Variants in SHISA7 observed in about 807,000 individuals in gnomAD.
SHISA7 encodes the protein protein shisa-7.
In SHISA7, 6 loss-of-function variants were observed where a neutral mutation model predicts 23.9. That is an observed-to-expected ratio of 0.25 (90% CI 0.14 to 0.50). The LOEUF is 0.50. Among genes scored for constraint, SHISA7 ranks in the 20% least tolerant of loss-of-function variants. SHISA7 has a pLI of 0.98. For missense variants in SHISA7, 671 were observed against 801.1 expected (o/e 0.84, Z 1.96); for synonymous variants, 386 against 398.3 (o/e 0.97, Z 0.37).
chr19:55,441,876 C>T (rs1985605252), intron 1 of SHISA7, among the ~76,000 whole-genome samples: 1 of 152,226 alleles, frequency 6.6e-6, no homozygotes. Context: ...GGAAGTCAGG[C>T]TTTTCCACCA....
Position 55,433,493 on chromosome 19 carries a change from T to C in SHISA7, c.1280A>G (p.His427Arg). The C allele has an allele frequency of 2.8e-6, 4 of 1,448,636 alleles. No homozygotes were observed. The highest frequency in any genetic ancestry group is 3.6e-6 in the Non-Finnish European group (4 of 1,107,564). 89.7% of individuals were successfully genotyped at this position (1,448,636 alleles called of 1,614,324 possible). Residue 427 changes from histidine to arginine, a missense_variant, in exon 4 of 4, where the codon CAC becomes CGC. By Grantham distance (29) the His-to-Arg change is conservative. Coordinates refer to ENST00000376325, the MANE Select transcript of SHISA7 (RefSeq NM_001145176.2). The surrounding 1 kb of genome is among the most constrained non-coding windows in gnomAD (Gnocchi z 8.4). ...GGGGCTGCGCGGGGGCGACAGCAGG[T>C]GCTCGCGACTCTGGCGCAGGGCCTC... ...SPEALRQSRE[H>R]LLSPPRSPAL...
intron 3 of SHISA7, among the ~76,000 whole-genome samples, chr19:55,435,161 TGTGTGTATG>T (rs1985410059): frequency 8.1e-6 from 1 of 123,270 alleles, no homozygotes; most frequent in Non-Finnish European, 1.7e-5. Context: ...GTGTGTGGTG[TGTGTGTATG>T]GTGTGTGTGG....
chr19:55,432,061 C>T lies in SHISA7; in HGVS notation c.*1095G>A, dbSNP rs1003273037. The T allele has an allele frequency of 3.3e-5, 5 of 152,490 alleles. No homozygotes were observed. The highest frequency in any genetic ancestry group is 2.1e-4 in the South Asian group (1 of 4,832). The allele number at this position is 152,490 out of a possible 1,614,324, so 9.4% of individuals were successfully genotyped here. The stretch of plus-strand genomic sequence containing the variant: ...GTGGGCAGTGCCTCTGAGGAGGAAG[C>T]TCTGGTGATGCCATCACAGCATTGG... On this transcript the variant is annotated 3_prime_UTR_variant, in exon 4 of 4. Coordinates refer to ENST00000376325, the MANE Select transcript of SHISA7 (RefSeq NM_001145176.2). This position sits in a 1 kb window ranked among gnomAD's most constrained non-coding sequence, Gnocchi z 4.6.
chr19:55,440,855 T>G, intron 1 of SHISA7, 90 bp from the exon 2 acceptor site: 8 of 1,169,834 alleles, frequency 6.8e-6, no homozygotes, highest in Non-Finnish European at 8.6e-6. Context: ...GCTCTCGCCC[T>G]TGGGTAATCT....
chr19:55,433,992 C>T lies in SHISA7; in HGVS notation c.977-196G>A, dbSNP rs1210023079. 2.6e-5 allele frequency among the ~76,000 whole-genome samples: 4 copies of T among 152,056 alleles called. No individual in the cohort carries two copies. The East Asian group carries it at 7.7e-4, about 29-fold the overall frequency. On this transcript the variant is annotated intron_variant, in intron 3 of 3. Transcript: ENST00000376325. This position sits in a 1 kb window ranked among gnomAD's most constrained non-coding sequence, Gnocchi z 8.4. ...CTGGGTCAGTAGATGTGGAGGACTT[C>T]CTCTTCTTCCCCCCCGCGCCGCCTA...
Position 55,432,968 on chromosome 19 carries a change from C to T in SHISA7, c.*188G>A. 1 of 712,478 alleles carries T rather than the reference C, an allele frequency of 1.4e-6. No individual in the cohort carries two copies. Among genetic ancestry groups the T allele is most frequent in the Non-Finnish European group, 2.1e-6 (1 of 468,628 alleles). The allele number at this position is 712,478 out of a possible 1,614,324, so 44.1% of individuals were successfully genotyped here. On this transcript the variant is annotated 3_prime_UTR_variant, in exon 4 of 4. Transcript: ENST00000376325. The surrounding 1 kb of genome is among the most constrained non-coding windows in gnomAD (Gnocchi z 4.6). ...TGGGATGACATCATGGGAAGGAGGCCTTGGCTCAAGCAGTGAAGTAATAGG... is the reference window on the plus strand; with the variant it reads ...TGGGATGACATCATGGGAAGGAGGCTTTGGCTCAAGCAGTGAAGTAATAGG...
chr19:55,434,435 G>GC (rs1985316353), intron 3 of SHISA7, among the ~76,000 whole-genome samples: 1 of 126,492 alleles, frequency 7.9e-6, no homozygotes, highest in African/African-American at 3.0e-5. Context: ...GTGTGTGTGT[G>GC]GTGTGTGTGT....
rs1355822638 is a variant in SHISA7 at position 55,437,733 on chromosome 19, G to A, written c.848C>T (p.Pro283Leu). The A allele has an allele frequency of 6.4e-7, 1 of 1,550,852 alleles. No homozygotes were observed. The highest frequency in any genetic ancestry group is 8.7e-7 in the Non-Finnish European group (1 of 1,146,674). Residue 283 changes from proline to leucine, a missense_variant, in exon 3 of 4, where the codon CCC (proline) becomes CTC (leucine). This residue lies in a region of SHISA7 where 457 missense variants were observed against 488.3 expected (regional missense o/e 0.94). Transcript: ENST00000376325. ...CGTGGAGTAGTGCAAGGAGGGGCTG[G>A]GCGGCGGCAAGGCTCGCCAGTCTGG... ...PNLDWRALPPPSPSLHYSTLS... is the reference protein window; with the variant it reads ...PNLDWRALPPLSPSLHYSTLS...
chr19:55,442,639 C>G lies in SHISA7; in HGVS notation c.225G>C (p.Ala75=), dbSNP rs899987791. 7.4e-7 allele frequency: 1 copy of G among 1,344,714 alleles called. No individual in the cohort carries two copies. Among genetic ancestry groups the G allele is most frequent in the Non-Finnish European group, 9.7e-7 (1 of 1,033,982 alleles). The allele number at this position is 1,344,714 out of a possible 1,614,324, so 83.3% of individuals were successfully genotyped here. A position where few individuals can be genotyped will look rare whatever the true frequency, so the allele number is the denominator to read the frequency against. ...CGTGGCAGAGCTCGGCGGGAGGGGG[C>G]GCCCGGGCCGCCGCGCCCGCCCCGC... is the stretch of plus-strand genomic sequence containing the variant. ...PAGGAGAAAR[A]PPPAELCHGY... Residue 75 remains alanine (A), a synonymous_variant, in exon 1 of 4, where the codon GCG becomes GCC. Transcript: ENST00000376325.
chr19:55,433,590 G>A lies in SHISA7; in HGVS notation c.1183C>T (p.Arg395Cys). ...SQEHLLGDGGRSRYEFTLPRA... is the reference protein window; with the variant it reads ...SQEHLLGDGGCSRYEFTLPRA... ...GGCAGCGTGAACTCGTAGCGCGAAC[G>A]GCCACCATCGCCCAGCAGGTGCTCC... The change falls in exon 4 of 4, where the codon CGT (arginine) becomes TGT (cysteine). Residue 395 changes from arginine to cysteine, a missense_variant. Physicochemically the swap from Arg to Cys is radical, Grantham distance 180. Transcript: ENST00000376325. This position sits in a 1 kb window ranked among gnomAD's most constrained non-coding sequence, Gnocchi z 8.4. The A allele has an allele frequency of 2.0e-6, 3 of 1,498,604 alleles. No homozygotes were observed. The highest frequency in any genetic ancestry group is 2.7e-6 in the Non-Finnish European group (3 of 1,130,132). The allele number at this position is 1,498,604 out of a possible 1,614,324, so 92.8% of individuals were successfully genotyped here.
At chr19:55,434,640 TTGTGTGTATGGTGTGTGTGGTG>T (rs1985341884) in intron 3 of SHISA7, among the ~76,000 whole-genome samples, 5 of 74,694 alleles carry the variant, frequency 6.7e-5, no homozygotes, top group South Asian at 1.0e-3. Flanking sequence ...GTGTGTGTGG[TTGTGTGTATGGTGTGTGTGGTG>T]TGTGTGTATG....
In SHISA7 at chr19:55,441,174, G is replaced by T. The variant is rs550722818; in HGVS notation, c.672-409C>A. On this transcript the variant is annotated intron_variant, in intron 1 of 3. Transcript: ENST00000376325. The stretch of plus-strand genomic sequence containing the variant: ...CTTTCCCCCACCTTCATACCTTTCA[G>T]CAATCCTACGGATCGAACCTCCAAA... Among the ~76,000 whole-genome samples the T allele has an allele frequency of 2.0e-5, 3 of 152,188 alleles. No homozygotes were observed. The East Asian group carries it at 5.8e-4, about 29-fold the overall frequency.
At chr19:55,434,394 TTGTG>T (rs535760395) in intron 3 of SHISA7, among the ~76,000 whole-genome samples, 2 of 104,696 alleles carry the variant, frequency 1.9e-5, no homozygotes, top group East Asian at 2.9e-4. Flanking sequence ...GGTGTGTGGT[TTGTG>T]TGTGGTGTGT....
Position 55,437,753 on chromosome 19 carries a change from G to A in SHISA7, c.828C>T (p.Asp276=). ...LYNTVKTPNL[D]WRALPPPSPS... ...GGCTGGGCGGCGGCAAGGCTCGCCA[G>A]TCTGGGTTAGAGGGGGCAGGGCCAG... Residue 276 remains aspartate (D), a splice_region_variant and synonymous_variant, in exon 3 of 4, where the codon GAC becomes GAT. Transcript: ENST00000376325. The A allele has an allele frequency of 1.9e-6, 3 of 1,550,046 alleles. No individual in the cohort carries two copies. Among genetic ancestry groups the A allele is most frequent in the Non-Finnish European group, 2.6e-6 (3 of 1,146,382 alleles).
Position 55,432,825 on chromosome 19 carries a change from C to CA in SHISA7, c.*330dup. 1 of 283,038 alleles carries CA rather than the reference C, an allele frequency of 3.5e-6. No homozygotes were observed. The highest frequency in any genetic ancestry group is 5.1e-5 in the South Asian group (1 of 19,686). 17.5% of individuals were successfully genotyped at this position (283,038 alleles called of 1,614,324 possible). A position where few individuals can be genotyped will look rare whatever the true frequency, so the allele number is the denominator to read the frequency against. On this transcript the variant is annotated 3_prime_UTR_variant, in exon 4 of 4. Transcript: ENST00000376325. This position sits in a 1 kb window ranked among gnomAD's most constrained non-coding sequence, Gnocchi z 4.6. ...TGGACATGGCCTCCAGCGCTGACCTCACGGGCCGGCCTCTTCCTCTGTGAT... is the reference window on the plus strand; with the variant it reads ...TGGACATGGCCTCCAGCGCTGACCTCAACGGGCCGGCCTCTTCCTCTGTGAT...
chr19:55,432,858 T>G lies in SHISA7; in HGVS notation c.*298A>C. The stretch of plus-strand genomic sequence containing the variant: ...GGCCTCTTCCTCTGTGATGACCTCA[T>G]GGGAACGAGGCTTTGTCCCTGTGAT... On this transcript the variant is annotated 3_prime_UTR_variant, in exon 4 of 4. Transcript: ENST00000376325. The surrounding 1 kb of genome is among the most constrained non-coding windows in gnomAD (Gnocchi z 4.6). 2.7e-6 allele frequency: 1 copy of G among 363,692 alleles called. No homozygotes were observed. Among genetic ancestry groups the G allele is most frequent in the Non-Finnish European group, 5.0e-6 (1 of 200,356 alleles). 22.5% of individuals were successfully genotyped at this position (363,692 alleles called of 1,614,324 possible). A position where few individuals can be genotyped will look rare whatever the true frequency, so the allele number is the denominator to read the frequency against.
rs1169131836 is a variant in SHISA7, at chr19:55,433,133, G to GC, written c.*22dup. ...GGGACGGGGGGCCCGGGAGGCCGCA[G>GC]CCCCCCAGACCCGGCCCTGGCCTCA... On this transcript the variant is annotated 3_prime_UTR_variant, in exon 4 of 4. Coordinates refer to ENST00000376325, the MANE Select transcript of SHISA7 (RefSeq NM_001145176.2). This position sits in a 1 kb window ranked among gnomAD's most constrained non-coding sequence, Gnocchi z 8.4. 4 of 1,507,402 alleles carry GC rather than the reference G, an allele frequency of 2.7e-6. No homozygotes were observed. Among genetic ancestry groups the GC allele is most frequent in the Admixed American group, 2.1e-5 (1 of 48,286 alleles). 93.4% of individuals were successfully genotyped at this position (1,507,402 alleles called of 1,614,324 possible).
Position 55,433,122 on chromosome 19 carries a change from G to C in SHISA7, c.*34C>G. 6.7e-7 allele frequency: 1 copy of C among 1,498,964 alleles called. No homozygotes were observed. The highest frequency in any genetic ancestry group is 1.2e-5 in the South Asian group (1 of 80,704). The allele number at this position is 1,498,964 out of a possible 1,614,324, so 92.9% of individuals were successfully genotyped here. A position where few individuals can be genotyped will look rare whatever the true frequency, so the allele number is the denominator to read the frequency against. On this transcript the variant is annotated 3_prime_UTR_variant, in exon 4 of 4. Coordinates refer to ENST00000376325, the MANE Select transcript of SHISA7 (RefSeq NM_001145176.2). This position sits in a 1 kb window ranked among gnomAD's most constrained non-coding sequence, Gnocchi z 8.4. Reference sequence around the variant, plus strand: ...GGATCCAGGCTGGGACGGGGGGCCCGGGAGGCCGCAGCCCCCCAGACCCGG... The same window carrying C: ...GGATCCAGGCTGGGACGGGGGGCCCCGGAGGCCGCAGCCCCCCAGACCCGG...
In SHISA7 at chr19:55,431,742, C is replaced by T. The variant is rs1985213013; in HGVS notation, c.*1414G>A. ...ACTTTGTTGACAGAGGTGATTGTCT[C>T]TAGATATGGCAGAAAGAAAAGTGAG... On this transcript the variant is annotated 3_prime_UTR_variant, in exon 4 of 4. Coordinates refer to ENST00000376325, the MANE Select transcript of SHISA7 (RefSeq NM_001145176.2). 1 of 152,176 alleles carries T rather than the reference C, an allele frequency of 6.6e-6. No homozygotes were observed. The highest frequency in any genetic ancestry group is 1.5e-5 in the Non-Finnish European group (1 of 68,048). 9.4% of individuals were successfully genotyped at this position (152,176 alleles called of 1,614,324 possible).
Sources: allele counts gnomAD v4.1 joint callset (sites outside exome capture counted in the v4.1 genomes callset), GRCh38; gene constraint gnomAD v4.1.1; regional missense constraint gnomAD v4.1.1; non-coding constraint Gnocchi (gnomAD v3.1); transcripts MANE v1.5; gene names NCBI Gene and HGNC (gene_info 2026-07-23, HGNC 2026-07-21).